The following GPR39 variants were observed in gnomAD, a reference collection of about 807,000 sequenced individuals.
The protein encoded by GPR39 is G protein-coupled receptor 39.
A neutral mutation model predicts 18.4 loss-of-function variants in GPR39; 23 were observed. The observed-to-expected ratio is 1.25, with a 90% confidence interval of 0.90 to 1.77. The LOEUF (loss-of-function observed/expected upper bound fraction) is 1.77. Among genes scored for constraint, GPR39 ranks in the 40% most tolerant of loss-of-function variants. The pLI is 0.00. For missense variants in GPR39, 647 were observed against 602.4 expected, an observed-to-expected ratio of 1.07 and a Z score of -0.78; for synonymous variants, 280 against 257.9, an observed-to-expected ratio of 1.09 and a Z score of -0.82.
At chr2:132,535,854 G>C (rs1679747767) in intron 1 of GPR39, among the ~76,000 whole-genome samples, 1 of 151,852 alleles carries the variant, frequency 6.6e-6, no homozygotes, top group Non-Finnish European at 1.5e-5. Context: ...TATTTGTGTA[G>C]AGGTGTTTAT....
intron 1 of GPR39, chr2:132,489,051 C>T: frequency 5.2e-6 from 1 of 191,298 alleles, no homozygotes; most frequent in South Asian, 1.1e-4. Context: ...GGAATTCCAC[C>T]AGGGCCTGTG....
chr2:132,560,702 C>T (rs1680235398), intron 1 of GPR39, among the ~76,000 whole-genome samples: 2 of 152,154 alleles, frequency 1.3e-5, no homozygotes, highest in Admixed American at 6.5e-5. Flanking sequence ...TTCCTGGTTC[C>T]TCTTCCTCCA....
At chr2:132,518,691 T>C (rs1435670491) in intron 1 of GPR39, among the ~76,000 whole-genome samples, 2 of 152,240 alleles carry the variant, frequency 1.3e-5, no homozygotes, top group Non-Finnish European at 2.9e-5. Context: ...TAAAGTTTTC[T>C]AGTAGCCACA....
chr2:132,467,346 G>T (rs1297591817), intron 1 of GPR39, among the ~76,000 whole-genome samples: 1 of 152,142 alleles, frequency 6.6e-6, no homozygotes, highest in African/African-American at 2.4e-5. Flanking sequence ...GCTTATAAGT[G>T]AGAACTAAAC....
intron 1 of GPR39, among the ~76,000 whole-genome samples, chr2:132,443,413 A>G (rs1485269530): frequency 6.6e-6 from 1 of 152,224 alleles, no homozygotes; most frequent in African/African-American, 2.4e-5. Context: ...GTGAGTACCC[A>G]TACAACCATT....
chr2:132,419,288 T>C (rs1679965645), intron 1 of GPR39, among the ~76,000 whole-genome samples: 1 of 152,234 alleles, frequency 6.6e-6, no homozygotes, highest in Non-Finnish European at 1.5e-5. Flanking sequence ...AGGTGACTGA[T>C]ATTTCCATCT....
chr2:132,588,812 G>A (rs748914469), intron 1 of GPR39, among the ~76,000 whole-genome samples: 1 of 152,174 alleles, frequency 6.6e-6, no homozygotes, highest in African/African-American at 2.4e-5. Context: ...AGCAGAGGAG[G>A]ACTGGACTCC....
At chr2:132,473,136 A>G (rs938633721) in intron 1 of GPR39, among the ~76,000 whole-genome samples, 1 of 152,188 alleles carries the variant, frequency 6.6e-6, no homozygotes, top group Non-Finnish European at 1.5e-5. Context: ...TGTGGTAAAC[A>G]CTGCCTTAAA....
At chr2:132,479,708 T>C (rs1681195974) in intron 1 of GPR39, among the ~76,000 whole-genome samples, 1 of 152,198 alleles carries the variant, frequency 6.6e-6, no homozygotes, top group African/African-American at 2.4e-5. Context: ...ATAGCAAGTG[T>C]TGGAGAGCAT....
chr2:132,472,305 G>C (rs1315865206), intron 1 of GPR39, among the ~76,000 whole-genome samples: 1 of 152,160 alleles, frequency 6.6e-6, no homozygotes. Context: ...CCTTCTGTAG[G>C]TCCCTCCAGG....
intron 1 of GPR39, among the ~76,000 whole-genome samples, chr2:132,557,534 C>T (rs1680174624): frequency 6.6e-6 from 1 of 151,502 alleles, no homozygotes; most frequent in South Asian, 2.1e-4. Context: ...ATTCAATTAC[C>T]ATAAGAGAAA....
rs1004428070 is a variant in GPR39 at position 132,645,896 on chromosome 2, C to A, written c.*290C>A. The stretch of plus-strand genomic sequence containing the variant: ...TTCAGAATGCTTTACCGAGCTCTTT[C>A]ATTATTTGCACAGGAACAAAAGAGA... On this transcript the variant is annotated 3_prime_UTR_variant, in exon 2 of 2. Transcript: ENST00000329321. The A allele has an allele frequency of 8.9e-6, 6 of 677,106 alleles. No individual in the cohort carries two copies. The Admixed American group carries it at 1.3e-4, about 15-fold the overall frequency. 41.9% of individuals were successfully genotyped at this position (677,106 alleles called of 1,614,324 possible).
chr2:132,557,143 A>AC (rs1680167753), intron 1 of GPR39, among the ~76,000 whole-genome samples: 1 of 152,088 alleles, frequency 6.6e-6, no homozygotes, highest in Non-Finnish European at 1.5e-5. Flanking sequence ...ACATGGTGAA[A>AC]CCCCATCTCT....
intron 1 of GPR39, among the ~76,000 whole-genome samples, chr2:132,576,956 T>G (rs996728157): frequency 5.9e-5 from 9 of 152,220 alleles, no homozygotes; most frequent in African/African-American, 2.2e-4. Context: ...TATTTTGTTT[T>G]ATTGATCTAT....
chr2:132,580,983 A>C (rs1034307208), intron 1 of GPR39, among the ~76,000 whole-genome samples: 2 of 147,544 alleles, frequency 1.4e-5, no homozygotes, highest in Admixed American at 6.6e-5. Context: ...CAAAAAAAAA[A>C]ACACCAAAAA....
intron 1 of GPR39, among the ~76,000 whole-genome samples, chr2:132,492,985 TACACCATAG>T (rs1681528078): frequency 7.1e-6 from 1 of 140,904 alleles, no homozygotes. Context: ...ACACCATATA[TACACCATAG>T]ATATACCATA....
chr2:132,423,360 C>T (rs1680051238), intron 1 of GPR39, among the ~76,000 whole-genome samples: 1 of 152,136 alleles, frequency 6.6e-6, no homozygotes. Flanking sequence ...AGGGCCCCAC[C>T]CTTACAACTT....
intron 1 of GPR39, among the ~76,000 whole-genome samples, chr2:132,453,231 GTGA>G (rs1467102392): frequency 6.6e-6 from 1 of 152,208 alleles, no homozygotes; most frequent in Non-Finnish European, 1.5e-5. Context: ...CTGATGACCA[GTGA>G]TGATGAGCAT....
chr2:132,537,684 C>G (rs1209969123), intron 1 of GPR39, among the ~76,000 whole-genome samples: 1 of 151,970 alleles, frequency 6.6e-6, no homozygotes, highest in African/African-American at 2.4e-5. Context: ...GTACACCAAT[C>G]AATCGTAGGT....
Sources: gnomAD v4.1 joint callset for allele counts (sites outside exome capture counted in the v4.1 genomes callset) on GRCh38, gnomAD v4.1.1 for gene constraint, MANE v1.5 for transcripts, NCBI Gene and HGNC (gene_info 2026-07-23, HGNC 2026-07-21) for gene names.